HAT1: variants seen among roughly 807,000 people sequenced by gnomAD.
HAT1 encodes histone acetyltransferase type B catalytic subunit.
A neutral mutation model predicts 56.6 loss-of-function variants in HAT1; 20 were observed. The ratio of observed to expected loss-of-function variants is 0.35; its 90% CI spans 0.25 to 0.51. The LOEUF (loss-of-function observed/expected upper bound fraction) is 0.51. HAT1 is among the 20% of genes least tolerant of loss of function. The pLI is 0.95. For synonymous variants in HAT1, 146 were observed against 165.5 expected (o/e 0.88, Z 0.91); for missense variants, 408 against 504.3 (o/e 0.81, Z 1.83).
chr2:171,942,945 A>T (rs1014462693), intron 2 of HAT1, among the ~76,000 whole-genome samples: 1 of 152,040 alleles, frequency 6.6e-6, no homozygotes, highest in African/African-American at 2.4e-5. Context: ...TCACTACCAA[A>T]ATGTCATATA....
chr2:171,948,362 T>A (rs573515848), intron 3 of HAT1, among the ~76,000 whole-genome samples: 1 of 152,144 alleles, frequency 6.6e-6, no homozygotes, highest in Non-Finnish European at 1.5e-5. Flanking sequence ...CTAGCTGAGA[T>A]TACAGGCGCC....
chr2:171,923,330 T>C (rs1309417654), intron 1 of HAT1: 2 of 152,198 alleles, frequency 1.3e-5, no homozygotes, highest in Admixed American at 6.5e-5. Flanking sequence ...GCAGCGATCA[T>C]AGTTCCGGGC....
Position 171,941,835 on chromosome 2 carries a change from A to G in HAT1, c.113-4873A>G, listed in dbSNP as rs1013136918. On this transcript the variant is annotated intron_variant, in intron 2 of 10. Coordinates refer to ENST00000264108, the MANE Select transcript of HAT1 (RefSeq NM_003642.4). ...GTTTGGGGGCCCCTCCTATAGAGCA[A>G]TAAGGTGCCATTTAGTATTCCAGGC... is the stretch of plus-strand genomic sequence containing the variant. Among the ~76,000 whole-genome samples the G allele has an allele frequency of 2.6e-5, 4 of 152,212 alleles. No individual in the cohort carries two copies. The East Asian group carries it at 7.7e-4, about 29-fold the overall frequency.
chr2:171,962,667 T>C (rs567473619), intron 4 of HAT1, among the ~76,000 whole-genome samples: 2 of 152,338 alleles, frequency 1.3e-5, no homozygotes, highest in South Asian at 4.1e-4. Context: ...GTGCTGGGAT[T>C]ATAGGTGTGA....
At chr2:171,922,611 C>G in intron 1 of HAT1, 104 bp downstream of exon 1, 2 of 1,020,062 alleles carry the variant, frequency 2.0e-6, no homozygotes, top group Non-Finnish European at 1.3e-6. Context: ...CGGGCTGTAG[C>G]CTGGGTTCCA....
At chr2:171,945,310 C>A (rs1376437965) in intron 2 of HAT1, among the ~76,000 whole-genome samples, 1 of 151,878 alleles carries the variant, frequency 6.6e-6, no homozygotes, top group African/African-American at 2.4e-5. Flanking sequence ...TAAAAGGATA[C>A]CCATTCCATC....
At position 171,951,604 on chromosome 2, in the gene HAT1, T is replaced by TG. The variant is rs1553484370; in HGVS notation, c.189-1276dup. The stretch of plus-strand genomic sequence containing the variant: ...CTGCCTATTTTTTTTTTTTTTTTTT[T>TG]GTAGTTTTAGTAGAAACGTGGTTTC... On this transcript the variant is annotated intron_variant, in intron 3 of 10. Coordinates refer to ENST00000264108, the MANE Select transcript of HAT1 (RefSeq NM_003642.4). Among the ~76,000 whole-genome samples, 496 of 145,804 alleles carry TG rather than the reference T, an allele frequency of 3.4e-3. 6 individuals are homozygous for TG. The highest frequency in any genetic ancestry group is 0.011 in the African/African-American group (435 of 38,216).
chr2:171,942,596 G>A (rs1014002179), intron 2 of HAT1, among the ~76,000 whole-genome samples: 3 of 152,036 alleles, frequency 2.0e-5, no homozygotes, highest in Non-Finnish European at 4.4e-5. Flanking sequence ...TGGGTTGCTT[G>A]TTTGCTGTAC....
intron 8 of HAT1, among the ~76,000 whole-genome samples, chr2:171,972,170 T>C (rs995842763): frequency 6.6e-6 from 1 of 152,146 alleles, no homozygotes; most frequent in African/African-American, 2.4e-5. Flanking sequence ...ATTTAAACGG[T>C]TACATATGAA....
chr2:171,933,510 G>A lies in HAT1; in HGVS notation c.112+7869G>A, dbSNP rs151265624. ...ATCACTGCACTCCAGCCTGGGTGAC[G>A]GAGCAAGACTCTGTCTCAAAAAAAA... On this transcript the variant is annotated intron_variant, in intron 2 of 10. Coordinates refer to ENST00000264108, the MANE Select transcript of HAT1 (RefSeq NM_003642.4). Among the ~76,000 whole-genome samples the A allele has an allele frequency of 4.6e-5, 7 of 150,996 alleles. No homozygotes were observed. The South Asian group carries it at 6.3e-4, about 14-fold the overall frequency.
At chr2:171,973,217 C>T (rs555604314) in intron 8 of HAT1, among the ~76,000 whole-genome samples, 1 of 152,224 alleles carries the variant, frequency 6.6e-6, no homozygotes, top group African/African-American at 2.4e-5. Context: ...CTTGCTTAGC[C>T]TTTGTGGCCT....
At chr2:171,967,129 C>T (rs1316356653) in intron 8 of HAT1, among the ~76,000 whole-genome samples, 180 bp downstream of exon 8, 1 of 152,136 alleles carries the variant, frequency 6.6e-6, no homozygotes, top group Non-Finnish European at 1.5e-5. Context: ...GATTGGATTA[C>T]ATCCCTAACT....
rs762289718 is a variant in HAT1, at chr2:171,979,282, A to G, written c.1011A>G (p.Leu337=). 1.3e-6 allele frequency: 2 copies of G among 1,594,910 alleles called. No individual in the cohort carries two copies. The highest frequency in any genetic ancestry group is 8.5e-7 in the Non-Finnish European group (1 of 1,169,748). Residue 337 remains leucine (L), a synonymous_variant, in exon 10 of 11, where the codon CTA becomes CTG. Transcript: ENST00000264108. Reference sequence around the variant, plus strand: ...GAAGGGTTTATGAAATTCTTCGACTACTGGTAACTGACATGAGTGATGCCG... The same window carrying G: ...GAAGGGTTTATGAAATTCTTCGACTGCTGGTAACTGACATGAGTGATGCCG... ...HARRVYEILR[L]LVTDMSDAEQ...
At position 171,922,490 on chromosome 2, in the gene HAT1, G is replaced by A; in HGVS notation, c.-11G>A. On this transcript the variant is annotated 5_prime_UTR_variant, in exon 1 of 11. Coordinates refer to ENST00000264108, the MANE Select transcript of HAT1 (RefSeq NM_003642.4). ...CGTCCTTCCTCAGCCGCGGGTGATC[G>A]TAGCTCGGAAATGGCGGGTAAGTTA... 2 of 1,319,534 alleles carry A rather than the reference G, an allele frequency of 1.5e-6. No individual in the cohort carries two copies. Among genetic ancestry groups the A allele is most frequent in the South Asian group, 2.9e-5 (1 of 34,278 alleles). The allele number at this position is 1,319,534 out of a possible 1,614,324, so 81.7% of individuals were successfully genotyped here.
chr2:171,936,470 A>T (rs1021306610), intron 2 of HAT1, among the ~76,000 whole-genome samples: 2 of 152,174 alleles, frequency 1.3e-5, no homozygotes, highest in African/African-American at 2.4e-5. Context: ...ACTGACCTCT[A>T]AGTTTCACAG....
intron 9 of HAT1, among the ~76,000 whole-genome samples, chr2:171,977,680 GTACTTTGCCACATGCTCTGGC>G (rs1311726944): frequency 2.0e-5 from 3 of 149,486 alleles, no homozygotes; most frequent in African/African-American, 4.9e-5. Context: ...CAGCCTGTTA[GTACTTTGCCACATGCTCTGGC>G]TACTTTGCCA....
intron 2 of HAT1, among the ~76,000 whole-genome samples, chr2:171,941,640 G>A (rs1687021458): frequency 6.6e-6 from 1 of 152,174 alleles, no homozygotes. Flanking sequence ...TAGGGTTTTT[G>A]CTCCTATGAG....
At chr2:171,975,118 T>TA (rs1184696777) in intron 8 of HAT1, among the ~76,000 whole-genome samples, 7 of 150,698 alleles carry the variant, frequency 4.6e-5, no homozygotes, top group African/African-American at 7.3e-5. Context: ...TTTTTTTTTT[T>TA]AATGGAGATG....
At chr2:171,954,923 A>C (rs1490146093) in intron 4 of HAT1, among the ~76,000 whole-genome samples, 1 of 152,234 alleles carries the variant, frequency 6.6e-6, no homozygotes, top group East Asian at 1.9e-4. Context: ...GAAAAGGAGA[A>C]GGCAGTGTGA....
Sources: allele counts gnomAD v4.1 joint callset (sites outside exome capture counted in the v4.1 genomes callset), GRCh38; gene constraint gnomAD v4.1.1; transcripts MANE v1.5; gene names NCBI Gene and HGNC (gene_info 2026-07-23, HGNC 2026-07-21).